LIPJ: variants seen among roughly 807,000 people sequenced by gnomAD.
LIPJ encodes the protein lipase family member J, also known as lipase member J.
In LIPJ, 33 loss-of-function variants were observed where a neutral mutation model predicts 39.8. The ratio of observed to expected loss-of-function variants is 0.83; its 90% CI spans 0.63 to 1.11. The LOEUF is 1.11. LIPJ is among the 50% of genes least tolerant of loss of function. The pLI, the probability that LIPJ is intolerant of heterozygous loss-of-function variation, is 0.00. For missense variants in LIPJ, 422 were observed against 427.9 expected (o/e 0.99, Z 0.12); for synonymous variants, 128 against 139.2 (o/e 0.92, Z 0.57).
exon 5 of LIPJ, chr10:88,594,008 A>G (rs926780381): frequency 6.2e-7 from 1 of 1,612,322 alleles, no homozygotes; most frequent in Non-Finnish European, 8.5e-7. Flanking sequence ...CTGGATTTCC[A>G]ATCTTCCCAA....
At chr10:88,583,962 C>T (rs1263511909), upstream of LIPJ, 1 of 154,314 alleles carries the variant, frequency 6.5e-6, no homozygotes, top group Non-Finnish European at 1.4e-5. Context: ...TTTTTTCCCC[C>T]TCCTGACATT....
At chr10:88,593,201 G>A (rs114700089) in intron 4 of LIPJ, 4 of 151,728 alleles carry the variant, frequency 2.6e-5, no homozygotes, top group Admixed American at 6.6e-5. Flanking sequence ...GTGACCAGGC[G>A]GTGGTCATAG....
At chr10:88,608,433 T>C (rs1851711922), downstream of LIPJ, among the ~76,000 whole-genome samples, 1 of 152,172 alleles carries the variant, frequency 6.6e-6, no homozygotes, top group Non-Finnish European at 1.5e-5. Flanking sequence ...AAATAATTCC[T>C]TAAAAAAATT....
chr10:88,614,637 T>C, the LIPJ span, among the ~76,000 whole-genome samples: 1 of 152,154 alleles, frequency 6.6e-6, no homozygotes, highest in Non-Finnish European at 1.5e-5. Context: ...CAAATTGAAC[T>C]ATACAATTAA....
At chr10:88,610,601 A>T (rs1487090599), downstream of LIPJ, among the ~76,000 whole-genome samples, 1 of 152,166 alleles carries the variant, frequency 6.6e-6, no homozygotes, top group Non-Finnish European at 1.5e-5. Flanking sequence ...CAATTTTAAA[A>T]AATTTTATAG....
At chr10:88,596,355 C>T in exon 7 of LIPJ, 3 of 1,563,132 alleles carry the variant, frequency 1.9e-6, no homozygotes, top group South Asian at 2.5e-5. Context: ...CCAGTTTTTT[C>T]CACAAAGTAC....
chr10:88,592,085 C>G (rs533378045), intron 4 of LIPJ: 1 of 151,936 alleles, frequency 6.6e-6, no homozygotes, highest in Non-Finnish European at 1.5e-5. Context: ...CAAGTATTTT[C>G]TCCTTAGCTT....
chr10:88,619,583 G>T, the LIPJ span, among the ~76,000 whole-genome samples: 1 of 151,884 alleles, frequency 6.6e-6, no homozygotes, highest in South Asian at 2.1e-4. Context: ...TGATTGCCTT[G>T]TCCATGAGTT....
chr10:88,619,219 A>G, the LIPJ span, among the ~76,000 whole-genome samples: 1 of 151,838 alleles, frequency 6.6e-6, no homozygotes, highest in Admixed American at 6.6e-5. Context: ...TAAAAAAAAA[A>G]AAAAAAAAAG....
chr10:88,612,427 T>C, the LIPJ span, among the ~76,000 whole-genome samples: 2 of 152,134 alleles, frequency 1.3e-5, no homozygotes, highest in Admixed American at 6.5e-5. Flanking sequence ...ACTTAAAAGA[T>C]ACAGAATGGC....
downstream of LIPJ, chr10:88,607,054 G>C (rs1851691813): frequency 1.3e-6 from 1 of 773,680 alleles, no homozygotes. Flanking sequence ...AGGCCCTCCA[G>C]TCATTAAATC....
downstream of LIPJ, among the ~76,000 whole-genome samples, chr10:88,609,406 T>A (rs1223306061): frequency 6.6e-6 from 1 of 152,240 alleles, no homozygotes; most frequent in Non-Finnish European, 1.5e-5. Context: ...AAACATTACT[T>A]CAGTGGTTTC....
chr10:88,615,515 T>C, the LIPJ span, among the ~76,000 whole-genome samples: 1 of 148,528 alleles, frequency 6.7e-6, no homozygotes, highest in South Asian at 2.1e-4. Context: ...ATTGTGCCAC[T>C]GCTTTGGGAG....
chr10:88,619,785 C>T, the LIPJ span, among the ~76,000 whole-genome samples: 3 of 151,680 alleles, frequency 2.0e-5, no homozygotes, highest in Admixed American at 1.3e-4. Context: ...AATGTAAACC[C>T]CAAAGCATAA....
chr10:88,616,228 C>T, the LIPJ span, among the ~76,000 whole-genome samples: 2 of 152,206 alleles, frequency 1.3e-5, no homozygotes, highest in Non-Finnish European at 2.9e-5. Context: ...CCTGTTTTCC[C>T]CTGGGAAAAC....
downstream of LIPJ, among the ~76,000 whole-genome samples, chr10:88,608,735 T>A (rs2134592425): frequency 6.6e-6 from 1 of 152,338 alleles, no homozygotes; most frequent in South Asian, 2.1e-4. Flanking sequence ...CATCTGAAAT[T>A]ATTATACAAA....
At chr10:88,606,756 C>A in exon 11 of LIPJ, 2 of 1,613,510 alleles carry the variant, frequency 1.2e-6, no homozygotes, top group Non-Finnish European at 1.7e-6. Flanking sequence ...TTGGCTGACC[C>A]TGAAGACGTT....
At chr10:88,622,091 C>G in the LIPJ span, among the ~76,000 whole-genome samples, 1 of 152,196 alleles carries the variant, frequency 6.6e-6, no homozygotes, top group Non-Finnish European at 1.5e-5. Flanking sequence ...TCCTCCTGAG[C>G]TCACCCTTGG....
the LIPJ span, among the ~76,000 whole-genome samples, chr10:88,614,852 T>A: frequency 6.6e-6 from 1 of 152,086 alleles, no homozygotes. Context: ...AAAAATATGC[T>A]AACGAAATAA....
Sources: allele counts gnomAD v4.1 joint callset (sites outside exome capture counted in the v4.1 genomes callset), GRCh38; gene constraint gnomAD v4.1.1; transcripts MANE v1.5; gene names NCBI Gene and HGNC (gene_info 2026-07-23, HGNC 2026-07-21).